PLEKHA6: variants seen among roughly 807,000 people sequenced by gnomAD.
PLEKHA6 encodes pleckstrin homology domain-containing family A member 6.
Under a neutral mutation model 116.7 loss-of-function variants are expected in PLEKHA6, and 60 were observed. That is an observed-to-expected ratio of 0.51 (90% CI 0.42 to 0.64). The LOEUF (loss-of-function observed/expected upper bound fraction) is 0.64, where lower values mean the gene tolerates loss of function less well. Ranked by LOEUF, PLEKHA6 falls within the 30% of genes least tolerant of loss-of-function variation. PLEKHA6 has a pLI of 0.00. For synonymous variants in PLEKHA6, 489 were observed against 556.1 expected (o/e 0.88, Z 1.70); for missense variants, 1,338 against 1,422.7 (o/e 0.94, Z 0.96).
intron 3 of PLEKHA6, among the ~76,000 whole-genome samples, chr1:204,366,687 G>A (rs956109303): frequency 3.3e-5 from 5 of 152,164 alleles, no homozygotes; most frequent in Non-Finnish European, 5.9e-5. Context: ...CTTGAACCCC[G>A]GAGATGGAAA....
chr1:204,373,086 C>CTTTTT (rs973883787), intron 1 of PLEKHA6, among the ~76,000 whole-genome samples: 85 of 113,348 alleles, frequency 7.5e-4, no homozygotes, highest in African/African-American at 9.9e-4. Flanking sequence ...TTTTTTCTTT[C>CTTTTT]TTTTTTTTTT....
chr1:204,251,947 T>C (rs1376140101), intron 9 of PLEKHA6, among the ~76,000 whole-genome samples: 2 of 152,104 alleles, frequency 1.3e-5, no homozygotes, highest in Non-Finnish European at 2.9e-5. Context: ...ATCTCATTTC[T>C]CACACCACTT....
chr1:204,320,071 A>G (rs4437929), intron 1 of PLEKHA6, among the ~76,000 whole-genome samples: 101,390 of 152,022 alleles, frequency 0.67, 34,919 homozygotes, highest in Middle Eastern at 0.76. Context: ...AGGGGCCAGG[A>G]AGCCACAAGA....
intron 1 of PLEKHA6, among the ~76,000 whole-genome samples, chr1:204,331,016 G>A (rs900212711): frequency 5.3e-5 from 8 of 152,026 alleles, no homozygotes; most frequent in East Asian, 1.9e-4. Flanking sequence ...CCAACATGAC[G>A]AAACCCCATC....
chr1:204,348,868 C>G (rs1287732002), intron 1 of PLEKHA6, among the ~76,000 whole-genome samples: 1 of 152,146 alleles, frequency 6.6e-6, no homozygotes, highest in Non-Finnish European at 1.5e-5. Context: ...GCTTTCCTGT[C>G]AAAAAACCTC....
chr1:204,250,949 C>A (rs951873855), intron 9 of PLEKHA6, among the ~76,000 whole-genome samples: 3 of 152,186 alleles, frequency 2.0e-5, no homozygotes, highest in African/African-American at 7.2e-5. Flanking sequence ...TGGTAACCAC[C>A]ATGAGAACAT....
chr1:204,244,993 G>T lies in PLEKHA6; in HGVS notation c.2043C>A (p.Gly681=). 1 of 1,434,272 alleles carries T rather than the reference G, an allele frequency of 7.0e-7. No individual in the cohort carries two copies. Among genetic ancestry groups the T allele is most frequent in the Non-Finnish European group, 9.2e-7 (1 of 1,091,926 alleles). The allele number at this position is 1,434,272 out of a possible 1,614,324, so 88.8% of individuals were successfully genotyped here. ...TDTAKHRGGL[G]PSATYSSNSP... is the part of the protein sequence containing the mutation. ...TGTTGGAGCTGTAGGTGGCTGAGGG[G>T]CCAAGTCCTCCTTGGGGGAAACAAG... Residue 681 remains glycine (G), a synonymous_variant, in exon 15 of 23, where the codon GGC becomes GGA. Transcript: ENST00000272203.
chr1:204,314,493 A>T (rs1671778827), intron 1 of PLEKHA6, among the ~76,000 whole-genome samples: 1 of 152,166 alleles, frequency 6.6e-6, no homozygotes, highest in East Asian at 1.9e-4. Context: ...GACAAGACTG[A>T]TCCTAACTGG....
At chr1:204,328,324 C>T (rs1267738869) in intron 1 of PLEKHA6, among the ~76,000 whole-genome samples, 1 of 151,654 alleles carries the variant, frequency 6.6e-6, no homozygotes, top group Non-Finnish European at 1.5e-5. Flanking sequence ...TCAGGTGATC[C>T]TCCCGCCTCG....
intron 1 of PLEKHA6, among the ~76,000 whole-genome samples, chr1:204,338,799 G>A (rs1381139544): frequency 6.6e-6 from 1 of 152,168 alleles, no homozygotes; most frequent in African/African-American, 2.4e-5. Context: ...AAGGGGATGG[G>A]GAGAGGGACT....
At chr1:204,352,423 T>C (rs932083043) in intron 1 of PLEKHA6, among the ~76,000 whole-genome samples, 1 of 151,494 alleles carries the variant, frequency 6.6e-6, no homozygotes, top group African/African-American at 2.4e-5. Context: ...CAGTGCCACA[T>C]GTTTTCTTCA....
At chr1:204,281,626 G>A (rs12736255) in intron 1 of PLEKHA6, among the ~76,000 whole-genome samples, 25,740 of 152,106 alleles carry the variant, frequency 0.17, 2,406 homozygotes, top group East Asian at 0.3. Context: ...TCTCTTCCAT[G>A]TGCTCCTTGA....
chr1:204,252,309 A>G (rs1664676344), intron 9 of PLEKHA6, among the ~76,000 whole-genome samples: 1 of 151,580 alleles, frequency 6.6e-6, no homozygotes. Flanking sequence ...CTATTTGCCA[A>G]TTTAAAAAGA....
chr1:204,253,455 A>G (rs1382114898), intron 9 of PLEKHA6, among the ~76,000 whole-genome samples: 3 of 152,158 alleles, frequency 2.0e-5, no homozygotes, highest in Non-Finnish European at 4.4e-5. Context: ...CCTGGGGGCG[A>G]AGCCTACAGT....
intron 1 of PLEKHA6, among the ~76,000 whole-genome samples, chr1:204,288,854 C>T (rs1316222124): frequency 2.6e-5 from 4 of 152,198 alleles, no homozygotes; most frequent in Non-Finnish European, 5.9e-5. Flanking sequence ...AGTCAAGGAA[C>T]TGCTTCATAT....
chr1:204,240,011 A>G (rs1019795736), intron 17 of PLEKHA6, among the ~76,000 whole-genome samples: 7 of 152,202 alleles, frequency 4.6e-5, no homozygotes, highest in African/African-American at 1.7e-4. Flanking sequence ...TTAAACTAGA[A>G]GTTAAGATTG....
intron 9 of PLEKHA6, chr1:204,255,642 T>C: frequency 1.4e-6 from 1 of 702,960 alleles, no homozygotes; most frequent in Non-Finnish European, 2.6e-6. Context: ...ATCCAAATAC[T>C]CTAGGTTTCT....
At chr1:204,360,159 C>G (rs1408101599), upstream of PLEKHA6, among the ~76,000 whole-genome samples, 1 of 152,220 alleles carries the variant, frequency 6.6e-6, no homozygotes, top group Non-Finnish European at 1.5e-5. Context: ...AGGCTGCCCC[C>G]CAAAGGGGAG....
At chr1:204,342,266 G>A (rs1269853156) in intron 1 of PLEKHA6, among the ~76,000 whole-genome samples, 1 of 151,890 alleles carries the variant, frequency 6.6e-6, no homozygotes, top group East Asian at 1.9e-4. Flanking sequence ...CAGCTATTCG[G>A]GAGGCTGAGG....
Sources: gnomAD v4.1 joint callset for allele counts (sites outside exome capture counted in the v4.1 genomes callset) on GRCh38, gnomAD v4.1.1 for gene constraint, MANE v1.5 for transcripts, NCBI Gene and HGNC (gene_info 2026-07-23, HGNC 2026-07-21) for gene names.